ATRNL1: variants seen among roughly 807,000 people sequenced by gnomAD.
ATRNL1 encodes the protein attractin like 1.
A neutral mutation model predicts 182.7 loss-of-function variants in ATRNL1; 95 were observed. The ratio of observed to expected loss-of-function variants is 0.52; its 90% confidence interval spans 0.44 to 0.62. The LOEUF (loss-of-function observed/expected upper bound fraction) is 0.62. Ranked by LOEUF, ATRNL1 falls within the 20% of genes least tolerant of loss-of-function variation. The probability of loss-of-function intolerance (pLI) is 0.00; values close to 1 mark genes in which losing one functional copy is unlikely to be tolerated. For missense variants in ATRNL1, 1,471 were observed against 1,679.5 expected, an observed-to-expected ratio of 0.88 and a Z score of 2.17; for synonymous variants, 576 against 568.3, an observed-to-expected ratio of 1.01 and a Z score of -0.19.
At chr10:115,462,724 T>C (rs1847876662) in intron 22 of ATRNL1, among the ~76,000 whole-genome samples, 1 of 152,156 alleles carries the variant, frequency 6.6e-6, no homozygotes, top group East Asian at 1.9e-4. Flanking sequence ...TCTCAGTCAG[T>C]AGTTTATCTG....
At chr10:115,899,064 C>T (rs557283515) in intron 28 of ATRNL1, among the ~76,000 whole-genome samples, 3 of 151,770 alleles carry the variant, frequency 2.0e-5, no homozygotes, top group East Asian at 1.9e-4. Flanking sequence ...CCCATTAACT[C>T]GTCATTTACA....
chr10:115,255,177 C>T (rs868989822), intron 10 of ATRNL1, among the ~76,000 whole-genome samples: 2 of 152,146 alleles, frequency 1.3e-5, no homozygotes, highest in South Asian at 2.1e-4. Context: ...TGAAGAAAGT[C>T]ATTGGTAGCT....
intron 8 of ATRNL1, among the ~76,000 whole-genome samples, chr10:115,199,980 G>C (rs1488750102): frequency 6.6e-6 from 1 of 152,056 alleles, no homozygotes; most frequent in Non-Finnish European, 1.5e-5. Flanking sequence ...TGCTGAGAGG[G>C]CACCATCAGG....
chr10:115,562,194 A>T (rs1255285167), intron 26 of ATRNL1, among the ~76,000 whole-genome samples: 1 of 152,192 alleles, frequency 6.6e-6, no homozygotes, highest in Non-Finnish European at 1.5e-5. Flanking sequence ...CTACATTAAA[A>T]AGGAATGAAG....
intron 13 of ATRNL1, among the ~76,000 whole-genome samples, chr10:115,279,699 G>A (rs903784620): frequency 6.6e-6 from 1 of 152,006 alleles, no homozygotes; most frequent in African/African-American, 2.4e-5. Context: ...GCCTGTTTAG[G>A]GATACTTAGA....
chr10:115,277,788 G>A (rs1554915295), intron 13 of ATRNL1, among the ~76,000 whole-genome samples: 1 of 151,966 alleles, frequency 6.6e-6, no homozygotes, highest in Non-Finnish European at 1.5e-5. Context: ...TTTCTATATT[G>A]TCTACTTTTT....
chr10:115,632,120 A>C (rs555551920), intron 26 of ATRNL1, among the ~76,000 whole-genome samples: 3 of 152,292 alleles, frequency 2.0e-5, no homozygotes, highest in Admixed American at 2.0e-4. Context: ...GAAGGGAAGA[A>C]TTAATTCTGG....
intron 5 of ATRNL1, among the ~76,000 whole-genome samples, chr10:115,148,070 C>T (rs1846049572): frequency 6.6e-6 from 1 of 152,074 alleles, no homozygotes; most frequent in African/African-American, 2.4e-5. Flanking sequence ...TATTAATTCT[C>T]CCAATCCATG....
At chr10:115,149,144 C>T (rs1470004333) in intron 5 of ATRNL1, among the ~76,000 whole-genome samples, 1 of 152,080 alleles carries the variant, frequency 6.6e-6, no homozygotes, top group African/African-American at 2.4e-5. Context: ...AGAGGCTGGC[C>T]ATCCCACCCT....
intron 5 of ATRNL1, among the ~76,000 whole-genome samples, chr10:115,135,819 T>C (rs1207336535): frequency 2.0e-5 from 3 of 152,160 alleles, no homozygotes; most frequent in Non-Finnish European, 1.5e-5. Flanking sequence ...CATTTCTCTT[T>C]TGCTTAACCT....
At chr10:115,408,568 C>G (rs1554958985) in intron 20 of ATRNL1, among the ~76,000 whole-genome samples, 1 of 151,964 alleles carries the variant, frequency 6.6e-6, no homozygotes, top group Non-Finnish European at 1.5e-5. Flanking sequence ...AGTTTTTTAT[C>G]TTGATATAGT....
chr10:115,676,345 C>T (rs782118613), intron 26 of ATRNL1, among the ~76,000 whole-genome samples: 27 of 152,118 alleles, frequency 1.8e-4, no homozygotes, highest in Non-Finnish European at 3.1e-4. Flanking sequence ...GTTAATAATA[C>T]TTCTAGAGAA....
intron 27 of ATRNL1, among the ~76,000 whole-genome samples, chr10:115,772,025 T>C (rs1346874843): frequency 6.6e-6 from 1 of 152,220 alleles, no homozygotes. Context: ...CATCTTAAGT[T>C]GTACTTTAAG....
intron 2 of ATRNL1, among the ~76,000 whole-genome samples, chr10:115,121,451 A>G (rs1844730838): frequency 6.6e-6 from 1 of 152,140 alleles, no homozygotes; most frequent in Non-Finnish European, 1.5e-5. Flanking sequence ...ACAATGATAC[A>G]TACATATGTC....
intron 26 of ATRNL1, among the ~76,000 whole-genome samples, chr10:115,605,951 C>A (rs1856850778): frequency 1.3e-5 from 2 of 151,900 alleles, no homozygotes; most frequent in South Asian, 4.1e-4. Context: ...ATGAGATGAT[C>A]TTTACTATAT....
At chr10:115,619,260 C>T (rs1359702046) in intron 26 of ATRNL1, among the ~76,000 whole-genome samples, 1 of 152,108 alleles carries the variant, frequency 6.6e-6, no homozygotes, top group Non-Finnish European at 1.5e-5. Context: ...CTGGTAGCAG[C>T]AGTGGTGAGT....
chr10:115,354,273 C>A (rs1043242530), intron 19 of ATRNL1, among the ~76,000 whole-genome samples: 9 of 152,096 alleles, frequency 5.9e-5, no homozygotes, highest in Non-Finnish European at 1.2e-4. Context: ...CACTGAATTT[C>A]ATGCTTTCAG....
chr10:115,806,262 T>C (rs1555085634), intron 27 of ATRNL1, among the ~76,000 whole-genome samples: 1 of 152,172 alleles, frequency 6.6e-6, no homozygotes, highest in African/African-American at 2.4e-5. Flanking sequence ...TTTTAATGCA[T>C]AAATTTTTTA....
At chr10:115,424,718 A>C (rs782155620) in intron 20 of ATRNL1, among the ~76,000 whole-genome samples, 25 of 152,154 alleles carry the variant, frequency 1.6e-4, no homozygotes, top group Non-Finnish European at 2.6e-4. Flanking sequence ...GACTCTAAAA[A>C]GACTGATCTC....
Sources: allele counts gnomAD v4.1 joint callset (sites outside exome capture counted in the v4.1 genomes callset), GRCh38; gene constraint gnomAD v4.1.1; transcripts MANE v1.5; gene names NCBI Gene and HGNC (gene_info 2026-07-23, HGNC 2026-07-21).